TMEM108: variants seen among roughly 807,000 people sequenced by gnomAD.
TMEM108 encodes the protein cancer/testis antigen 124.
TMEM108 carries 12 observed loss-of-function variants against 35.1 expected under a neutral mutation model. The ratio of observed to expected loss-of-function variants is 0.34; its 90% CI spans 0.22 to 0.55. The LOEUF (loss-of-function observed/expected upper bound fraction) is 0.55. TMEM108 is among the 20% of genes least tolerant of loss of function. The probability of loss-of-function intolerance (pLI) is 0.89; values close to 1 mark genes in which losing one functional copy is unlikely to be tolerated. For synonymous variants in TMEM108, 287 were observed against 308.6 expected, an observed-to-expected ratio of 0.93 and a Z score of 0.73; for missense variants, 680 against 753.3, an observed-to-expected ratio of 0.90 and a Z score of 1.14.
intron 2 of TMEM108, among the ~76,000 whole-genome samples, chr3:133,191,489 C>T (rs546237990): frequency 3.9e-4 from 60 of 152,226 alleles, no homozygotes; most frequent in Admixed American, 3.9e-4. Flanking sequence ...GACAATCATA[C>T]GAGTATATTT....
At chr3:133,227,456 G>A (rs1394670025) in intron 2 of TMEM108, among the ~76,000 whole-genome samples, 1 of 150,200 alleles carries the variant, frequency 6.7e-6, no homozygotes, top group Non-Finnish European at 1.5e-5. Flanking sequence ...GCCTCCCAAA[G>A]TGCTGGGATT....
intron 2 of TMEM108, among the ~76,000 whole-genome samples, chr3:133,144,119 C>T (rs1488901119): frequency 1.3e-5 from 2 of 152,002 alleles, no homozygotes; most frequent in Non-Finnish European, 2.9e-5. Flanking sequence ...CTGTCTCTCC[C>T]CTAGCCGCCC....
At chr3:133,203,673 G>A (rs1945706346) in intron 2 of TMEM108, among the ~76,000 whole-genome samples, 1 of 152,174 alleles carries the variant, frequency 6.6e-6, no homozygotes, top group Admixed American at 6.5e-5. Context: ...TAAGCTATTT[G>A]ATATGCTGCT....
chr3:133,233,842 T>C (rs1310191179), intron 3 of TMEM108, among the ~76,000 whole-genome samples: 3 of 138,414 alleles, frequency 2.2e-5, no homozygotes, highest in African/African-American at 8.6e-5. Context: ...TGTCTTCTTT[T>C]GAGAAGTGTC....
intron 3 of TMEM108, among the ~76,000 whole-genome samples, chr3:133,269,242 G>A (rs373322021): frequency 1.3e-5 from 2 of 152,322 alleles, no homozygotes; most frequent in African/African-American, 4.8e-5. Flanking sequence ...TAGAGAAAGA[G>A]GGGGAGGGAG....
intron 3 of TMEM108, among the ~76,000 whole-genome samples, chr3:133,230,720 T>C (rs1256378763): frequency 6.6e-6 from 1 of 152,178 alleles, no homozygotes; most frequent in African/African-American, 2.4e-5. Flanking sequence ...AAATGTTTGT[T>C]GAGTTCACCT....
At chr3:133,097,613 G>T (rs1162653792) in intron 2 of TMEM108, among the ~76,000 whole-genome samples, 1 of 152,132 alleles carries the variant, frequency 6.6e-6, no homozygotes, top group Non-Finnish European at 1.5e-5. Context: ...TGTTATTATA[G>T]TAATATCTGT....
intron 3 of TMEM108, among the ~76,000 whole-genome samples, chr3:133,240,650 C>T (rs2107660257): frequency 6.6e-6 from 1 of 152,254 alleles, no homozygotes; most frequent in South Asian, 2.1e-4. Flanking sequence ...TGGGAGAAAG[C>T]ATAGAATTTC....
intron 3 of TMEM108, chr3:133,246,177 G>C (rs1946383295): frequency 6.6e-6 from 1 of 152,080 alleles, no homozygotes; most frequent in Non-Finnish European, 1.5e-5. Context: ...CACTTCCTCA[G>C]TCACACTTGC....
chr3:133,233,786 G>C (rs71315695), intron 3 of TMEM108, among the ~76,000 whole-genome samples: 1 of 150,910 alleles, frequency 6.6e-6, no homozygotes, highest in African/African-American at 2.4e-5. Context: ...TTCTCTGATG[G>C]CCAGTGATGA....
intron 3 of TMEM108, among the ~76,000 whole-genome samples, chr3:133,237,396 C>G (rs1946254237): frequency 6.9e-6 from 1 of 145,188 alleles, no homozygotes; most frequent in Admixed American, 6.8e-5. Context: ...GAACAGCTTT[C>G]TATGTTCTTT....
intron 2 of TMEM108, among the ~76,000 whole-genome samples, chr3:133,199,573 G>GT (rs1945629644): frequency 1.3e-5 from 2 of 152,166 alleles, no homozygotes; most frequent in Non-Finnish European, 2.9e-5. Flanking sequence ...GTTTGCCTGG[G>GT]TATCACCAGC....
chr3:133,220,080 C>T (rs1197587122), intron 2 of TMEM108, among the ~76,000 whole-genome samples: 7 of 123,722 alleles, frequency 5.7e-5, no homozygotes, highest in Admixed American at 1.7e-4. Flanking sequence ...TTTGTTTCTT[C>T]GGTTTTTTTT....
intron 3 of TMEM108, among the ~76,000 whole-genome samples, chr3:133,378,001 C>T (rs1445208940): frequency 4.6e-5 from 7 of 151,640 alleles, no homozygotes; most frequent in Admixed American, 4.6e-4. Flanking sequence ...CATACCCCCC[C>T]CGACCAACTC....
At chr3:133,099,586 C>G (rs911748267) in intron 2 of TMEM108, among the ~76,000 whole-genome samples, 10 of 152,174 alleles carry the variant, frequency 6.6e-5, no homozygotes, top group African/African-American at 2.4e-4. Context: ...CTCTTAATAG[C>G]ACCCAAGTCA....
chr3:133,356,103 T>C (rs1180777940), intron 3 of TMEM108, among the ~76,000 whole-genome samples: 2 of 151,998 alleles, frequency 1.3e-5, no homozygotes, highest in Non-Finnish European at 2.9e-5. Context: ...GGCTCCTAGA[T>C]CTGTAAACAA....
chr3:133,133,249 G>T (rs1455837409), intron 2 of TMEM108, among the ~76,000 whole-genome samples: 1 of 152,130 alleles, frequency 6.6e-6, no homozygotes, highest in East Asian at 1.9e-4. Flanking sequence ...TTAAGAAATT[G>T]CCACAGCCAC....
intron 2 of TMEM108, among the ~76,000 whole-genome samples, chr3:133,129,360 A>C (rs7623825): frequency 0.12 from 7,291 of 63,120 alleles, 482 homozygotes; most frequent in African/African-American, 0.34. Flanking sequence ...CCCCCCCCCC[A>C]AAAAAAAATA....
At chr3:133,139,527 C>G (rs988930352) in intron 2 of TMEM108, among the ~76,000 whole-genome samples, 2 of 152,184 alleles carry the variant, frequency 1.3e-5, no homozygotes, top group African/African-American at 2.4e-5. Flanking sequence ...ATTCAGTTAT[C>G]ATTTGATGTA....
Sources: gnomAD v4.1 joint callset for allele counts (sites outside exome capture counted in the v4.1 genomes callset) on GRCh38, gnomAD v4.1.1 for gene constraint, MANE v1.5 for transcripts, NCBI Gene and HGNC (gene_info 2026-07-23, HGNC 2026-07-21) for gene names.